The following ST8SIA6 variants were observed in gnomAD, a reference collection of about 807,000 sequenced individuals.
The protein encoded by ST8SIA6 is alpha-2,8-sialyltransferase 8F.
In ST8SIA6, 39 loss-of-function variants were observed where a neutral mutation model predicts 33.6. The observed-to-expected ratio is 1.16, with a 90% confidence interval of 0.90 to 1.52. ST8SIA6 has a LOEUF of 1.52. Ranked by LOEUF, ST8SIA6 falls within the 40% of genes most tolerant of loss-of-function variation. The probability of loss-of-function intolerance (pLI) is 0.00; values close to 1 mark genes in which losing one functional copy is unlikely to be tolerated. For synonymous variants in ST8SIA6, 172 were observed against 167.2 expected (o/e 1.03, Z -0.22); for missense variants, 441 against 443.8 (o/e 0.99, Z 0.06).
In ST8SIA6 at chr10:17,401,480, C is replaced by G. The variant is rs151301810; in HGVS notation, c.201-10860G>C. On this transcript the variant is annotated intron_variant, in intron 2 of 7. Coordinates refer to ENST00000377602, the MANE Select transcript of ST8SIA6 (RefSeq NM_001004470.3). The stretch of plus-strand genomic sequence containing the variant: ...ACGAGCCCGCATTGCCAAGACAATC[C>G]TAAGCCAAAAGAACAAAGCTGGAAG... Among the ~76,000 whole-genome samples the G allele has an allele frequency of 5.8e-3, 879 of 152,250 alleles. 9 individuals carry two copies. Among genetic ancestry groups the G allele is most frequent in the African/African-American group, 0.02 (827 of 41,564 alleles).
intron 2 of ST8SIA6, among the ~76,000 whole-genome samples, chr10:17,407,661 G>C (rs1269113592): frequency 6.6e-6 from 1 of 152,176 alleles, no homozygotes; most frequent in Non-Finnish European, 1.5e-5. Flanking sequence ...ACCATGACTG[G>C]CTTACTGTGT....
At chr10:17,366,538 T>C (rs371140221) in intron 3 of ST8SIA6, among the ~76,000 whole-genome samples, 67 of 152,266 alleles carry the variant, frequency 4.4e-4, no homozygotes, top group African/African-American at 1.6e-3. Flanking sequence ...TAGGAAATGC[T>C]GTGAGCAGTG....
intron 3 of ST8SIA6, among the ~76,000 whole-genome samples, chr10:17,388,662 G>C (rs1253349013): frequency 6.6e-6 from 1 of 152,138 alleles, no homozygotes; most frequent in African/African-American, 2.4e-5. Context: ...TTATAACTGA[G>C]GAAATTATGA....
rs572518799 is a variant in ST8SIA6, at chr10:17,334,029, T to A, written c.378-2477A>T. ...AGCCACTGCACCTGGTTTTTTTTTT[T>A]AAATCTCACTAGACTTCTAACTGGC... On this transcript the variant is annotated intron_variant, in intron 4 of 7. Transcript: ENST00000377602. 5.6e-4 allele frequency among the ~76,000 whole-genome samples: 85 copies of A among 150,884 alleles called. No individual in the cohort carries two copies. The South Asian group carries it at 0.016, about 29-fold the overall frequency.
At chr10:17,343,904 G>C (rs1160544846) in intron 4 of ST8SIA6, among the ~76,000 whole-genome samples, 1 of 152,156 alleles carries the variant, frequency 6.6e-6, no homozygotes, top group African/African-American at 2.4e-5. Context: ...GGCTTGTACT[G>C]TCTCAAGCAC....
intron 2 of ST8SIA6, among the ~76,000 whole-genome samples, chr10:17,449,159 T>C (rs1852826368): frequency 6.6e-6 from 1 of 151,856 alleles, no homozygotes; most frequent in East Asian, 1.9e-4. Context: ...TTAAATATTT[T>C]TGTTACAAAA....
At chr10:17,437,627 T>C (rs1405913007) in intron 2 of ST8SIA6, among the ~76,000 whole-genome samples, 1 of 121,430 alleles carries the variant, frequency 8.2e-6, no homozygotes, top group Admixed American at 8.2e-5. Context: ...CCTTCCTTCC[T>C]TCCTTCCTTC....
intron 4 of ST8SIA6, among the ~76,000 whole-genome samples, chr10:17,339,068 C>G (rs1848594022): frequency 6.6e-6 from 1 of 152,072 alleles, no homozygotes; most frequent in African/African-American, 2.4e-5. Context: ...CTTTGCATTA[C>G]AAATTCCTTT....
At chr10:17,413,811 T>C (rs575711092) in intron 2 of ST8SIA6, among the ~76,000 whole-genome samples, 1 of 152,370 alleles carries the variant, frequency 6.6e-6, no homozygotes, top group South Asian at 2.1e-4. Context: ...TACATTACTT[T>C]AGTTACTGTA....
intron 4 of ST8SIA6, among the ~76,000 whole-genome samples, chr10:17,347,904 C>T (rs528716738): frequency 1.2e-4 from 16 of 137,388 alleles, no homozygotes; most frequent in Non-Finnish European, 2.1e-4. Flanking sequence ...TGCAGTGAGC[C>T]GAGATTGCGC....
chr10:17,449,405 T>G (rs969246958), intron 2 of ST8SIA6, among the ~76,000 whole-genome samples: 1 of 152,200 alleles, frequency 6.6e-6, no homozygotes, highest in Non-Finnish European at 1.5e-5. Context: ...TTTTGAAAAC[T>G]ACTAGTTTAT....
chr10:17,343,034 A>G (rs1848725077), intron 4 of ST8SIA6, among the ~76,000 whole-genome samples: 1 of 152,198 alleles, frequency 6.6e-6, no homozygotes, highest in South Asian at 2.1e-4. Context: ...CCTAAACCTC[A>G]GTACTCCCAG....
intron 2 of ST8SIA6, among the ~76,000 whole-genome samples, chr10:17,415,941 C>T (rs1490108401): frequency 1.3e-5 from 2 of 150,708 alleles, no homozygotes; most frequent in Non-Finnish European, 2.9e-5. Flanking sequence ...TCCCGAGTAA[C>T]TGGGATTACA....
chr10:17,392,971 C>A (rs1298617324), intron 2 of ST8SIA6, among the ~76,000 whole-genome samples: 1 of 152,144 alleles, frequency 6.6e-6, no homozygotes, highest in Non-Finnish European at 1.5e-5. Context: ...ATTTCTGGAA[C>A]AGATGAGTAT....
intron 6 of ST8SIA6, among the ~76,000 whole-genome samples, chr10:17,325,840 T>C (rs1278540160): frequency 6.6e-6 from 1 of 152,188 alleles, no homozygotes; most frequent in Non-Finnish European, 1.5e-5. Context: ...AAGTGAAATA[T>C]CTGCTGAGAT....
chr10:17,391,777 G>T (rs1484555507), intron 2 of ST8SIA6, among the ~76,000 whole-genome samples: 4 of 152,156 alleles, frequency 2.6e-5, no homozygotes, highest in African/African-American at 9.7e-5. Context: ...TACAAAGTTA[G>T]CCTGCCTAAT....
intron 2 of ST8SIA6, among the ~76,000 whole-genome samples, chr10:17,416,747 A>G (rs1386011224): frequency 1.3e-5 from 2 of 152,150 alleles, no homozygotes; most frequent in Admixed American, 6.5e-5. Flanking sequence ...TTCTGCTTCA[A>G]TTGCCTGACT....
At chr10:17,366,585 G>A (rs1849566279) in intron 3 of ST8SIA6, among the ~76,000 whole-genome samples, 2 of 152,064 alleles carry the variant, frequency 1.3e-5, no homozygotes, top group African/African-American at 2.4e-5. Context: ...TGGTGTATCT[G>A]TTTACAAAGA....
chr10:17,321,704 T>G (rs1264424490), intron 7 of ST8SIA6, among the ~76,000 whole-genome samples: 3 of 152,246 alleles, frequency 2.0e-5, no homozygotes, highest in Non-Finnish European at 4.4e-5. Context: ...AAATATTTTT[T>G]CAAGCATAGT....
Sources: allele counts gnomAD v4.1 joint callset (sites outside exome capture counted in the v4.1 genomes callset), GRCh38; gene constraint gnomAD v4.1.1; transcripts MANE v1.5; gene names NCBI Gene and HGNC (gene_info 2026-07-23, HGNC 2026-07-21).